Variants in DICER1 observed in about 807,000 individuals in gnomAD.
DICER1 encodes the protein endoribonuclease Dicer.
A neutral mutation model predicts 194.1 loss-of-function variants in DICER1; 43 were observed. The observed-to-expected ratio is 0.22, with a 90% CI of 0.17 to 0.29. The LOEUF (loss-of-function observed/expected upper bound fraction) is 0.29, where lower values mean the gene tolerates loss of function less well. DICER1 is among the 10% of genes least tolerant of loss of function. The probability of loss-of-function intolerance (pLI) is 1.00; values close to 1 mark genes in which losing one functional copy is unlikely to be tolerated. For synonymous variants in DICER1, 832 were observed against 820.5 expected (o/e 1.01, Z -0.24); for missense variants, 1,608 against 2,317.0 (o/e 0.69, Z 6.28).
chr14:95,136,583 G>A (rs1333462643), intron 1 of DICER1: 1 of 152,126 alleles, frequency 6.6e-6, no homozygotes, highest in African/African-American at 2.4e-5. Flanking sequence ...TCTGCCATCT[G>A]CCAGTCACCC....
In DICER1 at chr14:95,113,178, T is replaced by G. The variant is rs1339343858; in HGVS notation, c.1954A>C (p.Lys652Gln). Residue 652 changes from lysine (K) to glutamine (Q), a missense_variant, in exon 12 of 27, where the codon AAA (lysine) becomes CAA (glutamine). Coordinates refer to ENST00000343455, the MANE Select transcript of DICER1 (RefSeq NM_177438.3). ...PSDPFTHLAPKCRTRELPDGT... is the reference protein window; with the variant it reads ...PSDPFTHLAPQCRTRELPDGT... The stretch of plus-strand genomic sequence containing the variant: ...TCAGGCAACTCTCGGGTTCTGCATT[T>G]AGGAGCTAGATGAGTAAACGGATCA... 1 of 1,613,706 alleles carries G rather than the reference T, an allele frequency of 6.2e-7. No individual in the cohort carries two copies. The highest frequency in any genetic ancestry group is 1.1e-5 in the South Asian group (1 of 91,090).
At chr14:95,122,930 G>C (rs1415272403) in intron 8 of DICER1, among the ~76,000 whole-genome samples, 1 of 151,054 alleles carries the variant, frequency 6.6e-6, no homozygotes, top group African/African-American at 2.5e-5. Flanking sequence ...GTGCGCGTGC[G>C]TGTACGCGCG....
rs747383554 is a variant in DICER1, at chr14:95,133,463, C to T, written c.-5G>A. On this transcript the variant is annotated 5_prime_UTR_variant, in exon 2 of 27. Transcript: ENST00000343455. ...TTGCAAAGCAGGGCTTTTCATTCAT[C>T]CAGTGTTTCTTTCATTGCATTTTTG... 1.6e-5 allele frequency: 26 copies of T among 1,610,906 alleles called. No homozygotes were observed. The highest frequency in any genetic ancestry group is 5.9e-6 in the Non-Finnish European group (7 of 1,178,324).
chr14:95,107,652 A>G lies in DICER1; in HGVS notation c.2760T>C (p.Phe920=), dbSNP rs2140018841. 2 of 1,613,980 alleles carry G rather than the reference A, an allele frequency of 1.2e-6. No homozygotes were observed. Among genetic ancestry groups the G allele is most frequent in the Non-Finnish European group, 1.7e-6 (2 of 1,179,818 alleles). Residue 920 remains phenylalanine, a synonymous_variant, in exon 17 of 27, where the codon TTT becomes TTC. Transcript: ENST00000343455. ...PSTKYTKETP[F]VFKLEDYQDA... ...CTTGGTAATCTTCTAATTTAAAAAC[A>G]AAGGGTGTTTCTTTTGTATACTTTG...
rs113367912 is a variant in DICER1, at chr14:95,113,429, G to A, written c.1908-205C>T. 0.012 allele frequency among the ~76,000 whole-genome samples: 1,882 copies of A among 152,274 alleles called. 48 individuals carry two copies. The highest frequency in any genetic ancestry group is 0.042 in the African/African-American group (1,762 of 41,552). On this transcript the variant is annotated intron_variant, in intron 11 of 26. Transcript: ENST00000343455. ...TTCTGCAAAGATGTTCTATATCTTCGATGCCCAACAGGGCAGTGGCTGGTG... is the reference window on the plus strand; with the variant it reads ...TTCTGCAAAGATGTTCTATATCTTCAATGCCCAACAGGGCAGTGGCTGGTG...
chr14:95,147,267 A>T (rs1895198358), intron 1 of DICER1, among the ~76,000 whole-genome samples: 1 of 152,166 alleles, frequency 6.6e-6, no homozygotes, highest in African/African-American at 2.4e-5. Flanking sequence ...GAATTCTGAG[A>T]CCAACCTGGG....
At chr14:95,142,999 T>C (rs547503444) in intron 1 of DICER1, among the ~76,000 whole-genome samples, 2 of 152,338 alleles carry the variant, frequency 1.3e-5, no homozygotes, top group East Asian at 3.9e-4. Context: ...GATTCTGACA[T>C]TATTAACTTT....
chr14:95,111,564 T>C (rs1891964775), intron 13 of DICER1, 108 bp from the exon 14 acceptor site: 9 of 1,201,638 alleles, frequency 7.5e-6, no homozygotes, highest in Non-Finnish European at 1.1e-5. Context: ...TAATGGAAAC[T>C]AAAGCACCTT....
rs761514962 is a variant in DICER1, at chr14:95,112,165, T to TC, written c.2116+6dup. 1 of 1,612,582 alleles carries TC rather than the reference T, an allele frequency of 6.2e-7. No individual in the cohort carries two copies. The highest frequency in any genetic ancestry group is 1.7e-5 in the Admixed American group (1 of 60,022). On this transcript the variant is annotated splice_region_variant and intron_variant, in intron 13 of 26. Transcript: ENST00000343455. ...TTCATTCGTATATGCTTTTCAAACA[T>TC]CCTTACCAATTTTGTGCAGTTTCTC...
At chr14:95,112,996 C>CT in intron 12 of DICER1, 96 bp downstream of exon 12, 1 of 1,354,872 alleles carries the variant, frequency 7.4e-7, no homozygotes, top group Non-Finnish European at 1.1e-6. Flanking sequence ...ATTTTAAAAT[C>CT]AAATTTACCT....
intron 1 of DICER1, among the ~76,000 whole-genome samples, chr14:95,139,802 A>G (rs1894711292): frequency 6.6e-6 from 1 of 152,216 alleles, no homozygotes; most frequent in Admixed American, 6.5e-5. Flanking sequence ...CAAGGACATA[A>G]AGAACAACAA....
Position 95,124,129 on chromosome 14 carries a change from G to GTGCAT in DICER1, c.1376+66_1376+67insATGCA, listed in dbSNP as rs1893175618. 8.6e-7 allele frequency: 1 copy of GTGCAT among 1,162,652 alleles called. No individual in the cohort carries two copies. The highest frequency in any genetic ancestry group is 1.3e-6 in the Non-Finnish European group (1 of 781,532). 72.0% of individuals were successfully genotyped at this position (1,162,652 alleles called of 1,614,324 possible). The stretch of plus-strand genomic sequence containing the variant: ...CATGCTAGCTCTTACAGCTGCTGCA[G>GTGCAT]CGCATCACATCACAACACAGGACGC... On this transcript the variant is annotated intron_variant, in intron 8 of 26. Transcript: ENST00000343455. This position sits in a 1 kb window ranked among gnomAD's most constrained non-coding sequence, Gnocchi z 4.5.
intron 22 of DICER1, among the ~76,000 whole-genome samples, chr14:95,097,780 C>T (rs1890494099): frequency 1.3e-5 from 2 of 152,124 alleles, no homozygotes; most frequent in Non-Finnish European, 1.5e-5. Flanking sequence ...ATAAACACTA[C>T]ATTTGTCTGA....
rs202069569 is a variant in DICER1, at chr14:95,116,738, T to A, written c.1510-43A>T. 450 of 1,603,798 alleles carry A rather than the reference T, an allele frequency of 2.8e-4. No individual in the cohort carries two copies. Among genetic ancestry groups the A allele is most frequent in the Admixed American group, 4.5e-4 (27 of 59,628 alleles). Reference sequence around the variant, plus strand: ...CCAAGAAAAGCACTTCTAAGAAAATTTCTAAAATGAACAAAAAAAATTAGT... The same window carrying A: ...CCAAGAAAAGCACTTCTAAGAAAATATCTAAAATGAACAAAAAAAATTAGT... On this transcript the variant is annotated intron_variant, in intron 9 of 26. Transcript: ENST00000343455.
chr14:95,151,605 C>T (rs968910576), intron 1 of DICER1, among the ~76,000 whole-genome samples: 1 of 152,116 alleles, frequency 6.6e-6, no homozygotes, highest in Non-Finnish European at 1.5e-5. Context: ...GCTATAAAGT[C>T]GAAGAATCAG....
intron 1 of DICER1, among the ~76,000 whole-genome samples, chr14:95,152,536 C>T (rs1345022297): frequency 6.6e-6 from 1 of 152,138 alleles, no homozygotes; most frequent in African/African-American, 2.4e-5. Context: ...AACCTTAACA[C>T]AACCAAGAAC....
At chr14:95,125,801 G>A (rs1052841289) in intron 7 of DICER1, among the ~76,000 whole-genome samples, 2 of 135,114 alleles carry the variant, frequency 1.5e-5, no homozygotes, top group South Asian at 5.3e-4. Flanking sequence ...AGAAAGAGGA[G>A]AGGAGAGAAA....
intron 12 of DICER1, among the ~76,000 whole-genome samples, chr14:95,112,685 T>A (rs1178786760): frequency 6.6e-6 from 1 of 152,168 alleles, no homozygotes; most frequent in East Asian, 1.9e-4. Context: ...AAAAGCAGAT[T>A]TTTGAGTCAC....
intron 1 of DICER1, among the ~76,000 whole-genome samples, chr14:95,146,434 C>T (rs1895139190): frequency 6.6e-6 from 1 of 152,200 alleles, no homozygotes; most frequent in Non-Finnish European, 1.5e-5. Flanking sequence ...CTATTCTGAG[C>T]CTGTAAAAGC....
Sources: allele counts gnomAD v4.1 joint callset (sites outside exome capture counted in the v4.1 genomes callset), GRCh38; gene constraint gnomAD v4.1.1; non-coding constraint Gnocchi (gnomAD v3.1); transcripts MANE v1.5; gene names NCBI Gene and HGNC (gene_info 2026-07-23, HGNC 2026-07-21).